Variants in SPATA9 observed in about 807,000 individuals in gnomAD.
SPATA9 encodes the protein spermatogenesis associated 9, also known as spermatogenesis-associated protein 9.
A neutral mutation model predicts 25.5 loss-of-function variants in SPATA9; 27 were observed. That is an observed-to-expected ratio of 1.06 (90% CI 0.78 to 1.46). SPATA9 has a LOEUF of 1.46. SPATA9 is among the 40% of genes most tolerant of loss of function. The pLI, the probability that SPATA9 is intolerant of heterozygous loss-of-function variation, is 0.00. For synonymous variants in SPATA9, 102 were observed against 105.7 expected, an observed-to-expected ratio of 0.97 and a Z score of 0.21; for missense variants, 282 against 297.5, an observed-to-expected ratio of 0.95 and a Z score of 0.38.
the SPATA9 span, among the ~76,000 whole-genome samples, chr5:95,728,741 TAGG>T: frequency 6.6e-6 from 1 of 152,086 alleles, no homozygotes; most frequent in Non-Finnish European, 1.5e-5. Flanking sequence ...GCTGCATTCC[TAGG>T]AGGTTAGGCA....
the SPATA9 span, among the ~76,000 whole-genome samples, chr5:95,715,096 C>T: frequency 5.3e-5 from 8 of 152,112 alleles, no homozygotes; most frequent in East Asian, 1.9e-4. Context: ...GAGGCCAAGG[C>T]GGGCAGTTCA....
At chr5:95,691,986 T>C (rs955661652) in intron 1 of SPATA9, among the ~76,000 whole-genome samples, 6 of 152,182 alleles carry the variant, frequency 3.9e-5, no homozygotes, top group South Asian at 2.1e-4. Flanking sequence ...TAGCAAAGTA[T>C]GTATTGGCTT....
chr5:95,716,020 G>A, the SPATA9 span, among the ~76,000 whole-genome samples: 7 of 152,314 alleles, frequency 4.6e-5, no homozygotes, highest in East Asian at 7.7e-4. Context: ...CTGTCCACCA[G>A]AACTGGCAAA....
At chr5:95,683,672 G>C (rs1301626771), upstream of SPATA9, among the ~76,000 whole-genome samples, 2 of 152,018 alleles carry the variant, frequency 1.3e-5, no homozygotes, top group Non-Finnish European at 2.9e-5. Context: ...CGAGTAGCTG[G>C]GACTACAGAC....
At position 95,675,453 on chromosome 5, in the gene SPATA9, T is replaced by C. The variant is rs202118658; in HGVS notation, c.337A>G (p.Arg113Gly). 1.1e-4 allele frequency: 173 copies of C among 1,614,194 alleles called. No individual in the cohort carries two copies. Among genetic ancestry groups the C allele is most frequent in the Middle Eastern group, 3.3e-4 (2 of 6,062 alleles). The change falls in exon 3 of 5, where the codon AGG (arginine) becomes GGG (glycine). Residue 113 changes from arginine to glycine, a missense_variant. Coordinates refer to ENST00000274432, the MANE Select transcript of SPATA9 (RefSeq NM_031952.4). ...ELRDISGRLL[R>G]EVNAPRQPLY... ...GGTTGCCTCGGCGCATTAACTTCCCTCAGCAGACGACCAGATATGTCCCTT... is the reference window on the plus strand; with the variant it reads ...GGTTGCCTCGGCGCATTAACTTCCCCCAGCAGACGACCAGATATGTCCCTT...
At chr5:95,692,937 T>A (rs903390441) in intron 1 of SPATA9, among the ~76,000 whole-genome samples, 2 of 152,226 alleles carry the variant, frequency 1.3e-5, no homozygotes, top group African/African-American at 4.8e-5. Flanking sequence ...TACGATACAT[T>A]GAATTTATTG....
the SPATA9 span, among the ~76,000 whole-genome samples, chr5:95,724,795 A>G: frequency 3.7e-4 from 57 of 152,336 alleles, no homozygotes; most frequent in Non-Finnish European, 6.8e-4. Flanking sequence ...GGATAATAAT[A>G]GAACCTACTC....
chr5:95,660,262 C>T (rs1484914549), intron 4 of SPATA9, among the ~76,000 whole-genome samples: 2 of 152,112 alleles, frequency 1.3e-5, no homozygotes, highest in South Asian at 2.1e-4. Context: ...TCTCAGGCCT[C>T]ATTTCTAAGG....
At chr5:95,710,050 G>C in the SPATA9 span, among the ~76,000 whole-genome samples, 1 of 152,164 alleles carries the variant, frequency 6.6e-6, no homozygotes, top group East Asian at 1.9e-4. Flanking sequence ...CCCCATCGGA[G>C]AGCCTGAGTG....
chr5:95,683,069 A>G (rs1753595310), upstream of SPATA9: 2 of 1,180,898 alleles, frequency 1.7e-6, no homozygotes, highest in South Asian at 4.3e-5. Flanking sequence ...TGGCAGTGAG[A>G]GGAAGAGGAG....
At chr5:95,680,042 C>G (rs1294545483) in intron 2 of SPATA9, among the ~76,000 whole-genome samples, 4 of 152,184 alleles carry the variant, frequency 2.6e-5, no homozygotes, top group African/African-American at 9.7e-5. Context: ...GGACTACAGG[C>G]GCCCGCCACA....
the SPATA9 span, among the ~76,000 whole-genome samples, chr5:95,711,564 C>G: frequency 6.6e-6 from 1 of 152,116 alleles, no homozygotes; most frequent in African/African-American, 2.4e-5. Context: ...CCGCCGCGGC[C>G]GCAGTCGAGA....
intron 4 of SPATA9, among the ~76,000 whole-genome samples, chr5:95,660,981 A>G (rs1291889218): frequency 6.6e-6 from 1 of 152,164 alleles, no homozygotes; most frequent in Non-Finnish European, 1.5e-5. Flanking sequence ...TAGTCAAACC[A>G]GAGTCTGTTT....
intron 3 of SPATA9, among the ~76,000 whole-genome samples, chr5:95,665,653 C>G (rs1263538116): frequency 6.6e-6 from 1 of 152,182 alleles, no homozygotes; most frequent in African/African-American, 2.4e-5. Flanking sequence ...TATATCCAGG[C>G]TATTGTGAAT....
rs147119229 is a variant in SPATA9, at chr5:95,675,426, G to A, written c.364C>T (p.Leu122=). The A allele has an allele frequency of 3.8e-4, 616 of 1,613,998 alleles. 1 individual carries two copies. In the African/African-American group the frequency reaches 7.1e-3, roughly 19 times the overall value. ...TATTCCCTTACCTGAATGTTATATA[G>A]GGGTTGCCTCGGCGCATTAACTTCC... ...LREVNAPRQP[L]YNIQVRKGSL... The change falls in exon 3 of 5, where the codon CTA becomes TTA. Residue 122 remains leucine, a synonymous_variant. Coordinates refer to ENST00000274432, the MANE Select transcript of SPATA9 (RefSeq NM_031952.4).
At chr5:95,708,595 C>A in the SPATA9 span, 1 of 696,306 alleles carries the variant, frequency 1.4e-6, no homozygotes, top group Non-Finnish European at 2.6e-6. Context: ...ATTCCCAGGA[C>A]AGAGGTAAAA....
chr5:95,728,515 T>C, the SPATA9 span, among the ~76,000 whole-genome samples: 1 of 152,362 alleles, frequency 6.6e-6, no homozygotes, highest in Non-Finnish European at 1.5e-5. Flanking sequence ...TAACATTCAC[T>C]GAACTTATCT....
the SPATA9 span, chr5:95,732,038 G>A: frequency 3.7e-6 from 6 of 1,614,214 alleles, no homozygotes; most frequent in South Asian, 5.5e-5. Flanking sequence ...TATCAGGCCA[G>A]TGCGTTTGGG....
At chr5:95,713,796 A>ACTTT in the SPATA9 span, 1 of 151,962 alleles carries the variant, frequency 6.6e-6, no homozygotes, top group East Asian at 1.9e-4. Flanking sequence ...TTCTTCAGTA[A>ACTTT]CTAGAAAAGA....
Sources: allele counts gnomAD v4.1 joint callset (sites outside exome capture counted in the v4.1 genomes callset), GRCh38; gene constraint gnomAD v4.1.1; transcripts MANE v1.5; gene names NCBI Gene and HGNC (gene_info 2026-07-23, HGNC 2026-07-21).